Variants in RBMS3 observed in about 807,000 individuals in gnomAD.
RBMS3 encodes RNA binding motif single stranded interacting protein 3, also known as RNA-binding motif, single-stranded-interacting protein 3.
A neutral mutation model predicts 66.8 loss-of-function variants in RBMS3; 27 were observed. The observed-to-expected ratio is 0.40, with a 90% CI of 0.30 to 0.56. The LOEUF is 0.56. Among genes scored for constraint, RBMS3 ranks in the 20% least tolerant of loss-of-function variants. The pLI, the probability that RBMS3 is intolerant of heterozygous loss-of-function variation, is 0.40. For synonymous variants in RBMS3, 188 were observed against 183.0 expected, an observed-to-expected ratio of 1.03 and a Z score of -0.22; for missense variants, 513 against 549.5, an observed-to-expected ratio of 0.93 and a Z score of 0.66.
At chr3:29,785,660 C>A (rs936184849) in intron 6 of RBMS3, among the ~76,000 whole-genome samples, 4 of 151,952 alleles carry the variant, frequency 2.6e-5, no homozygotes, top group African/African-American at 4.8e-5. Flanking sequence ...TATGATTAAA[C>A]CCTCAGCAAA....
intron 1 of RBMS3, among the ~76,000 whole-genome samples, chr3:29,316,958 A>C (rs1409187010): frequency 6.6e-6 from 1 of 151,684 alleles, no homozygotes; most frequent in Non-Finnish European, 1.5e-5. Flanking sequence ...ACCAGCATAA[A>C]ATTTTTCTGA....
chr3:29,651,727 C>G (rs1403957653), intron 4 of RBMS3, among the ~76,000 whole-genome samples: 2 of 152,008 alleles, frequency 1.3e-5, no homozygotes, highest in African/African-American at 4.8e-5. Flanking sequence ...GATATAAATC[C>G]TATTACTACA....
intron 12 of RBMS3, among the ~76,000 whole-genome samples, chr3:29,960,177 G>A (rs893433579): frequency 6.6e-6 from 1 of 152,184 alleles, no homozygotes; most frequent in Non-Finnish European, 1.5e-5. Context: ...ACAGGAATTG[G>A]ATAAATATAC....
At chr3:29,661,087 G>C (rs891381077) in intron 4 of RBMS3, among the ~76,000 whole-genome samples, 3 of 152,200 alleles carry the variant, frequency 2.0e-5, no homozygotes, top group Non-Finnish European at 2.9e-5. Flanking sequence ...CACGAGGATT[G>C]GGGTGGGGAA....
chr3:29,546,844 A>C (rs1352727964), intron 3 of RBMS3, among the ~76,000 whole-genome samples: 2 of 152,178 alleles, frequency 1.3e-5, no homozygotes, highest in Non-Finnish European at 2.9e-5. Context: ...GACATAGTTG[A>C]TGACAGCAAG....
At chr3:29,821,405 C>A (rs2149475156) in intron 6 of RBMS3, among the ~76,000 whole-genome samples, 1 of 152,190 alleles carries the variant, frequency 6.6e-6, no homozygotes, top group African/African-American at 2.4e-5. Context: ...TGGAAATAGT[C>A]TACAATGCTA....
intron 6 of RBMS3, among the ~76,000 whole-genome samples, chr3:29,854,064 A>G (rs369496428): frequency 3.3e-4 from 50 of 152,296 alleles, no homozygotes; most frequent in African/African-American, 1.1e-3. Flanking sequence ...GTGAGAACAA[A>G]GCATCCCCTC....
chr3:29,775,678 G>A (rs1395799906), intron 6 of RBMS3, among the ~76,000 whole-genome samples: 1 of 152,036 alleles, frequency 6.6e-6, no homozygotes, highest in Non-Finnish European at 1.5e-5. Context: ...GACTTCACCA[G>A]TGTGAGTGCT....
intron 6 of RBMS3, among the ~76,000 whole-genome samples, chr3:29,784,811 G>A (rs1273564240): frequency 6.6e-6 from 1 of 151,900 alleles, no homozygotes; most frequent in Non-Finnish European, 1.5e-5. Context: ...AAAGAAGAGA[G>A]CAAATCCAAA....
chr3:29,941,722 G>A (rs1326161719), intron 11 of RBMS3, among the ~76,000 whole-genome samples: 2 of 151,684 alleles, frequency 1.3e-5, no homozygotes, highest in African/African-American at 2.4e-5. Flanking sequence ...TAGATAAAAT[G>A]CCAAAGAACA....
intron 1 of RBMS3, among the ~76,000 whole-genome samples, chr3:29,353,650 T>C (rs1424776492): frequency 6.6e-6 from 1 of 152,020 alleles, no homozygotes; most frequent in Non-Finnish European, 1.5e-5. Context: ...ATTTTTTACT[T>C]GATGATTTTG....
At chr3:29,548,042 G>A (rs372675221) in intron 3 of RBMS3, among the ~76,000 whole-genome samples, 11 of 151,940 alleles carry the variant, frequency 7.2e-5, no homozygotes, top group African/African-American at 1.9e-4. Flanking sequence ...TGATCTGCCC[G>A]CCTCAGCCTC....
intron 3 of RBMS3, among the ~76,000 whole-genome samples, chr3:29,508,303 G>A (rs1425556367): frequency 2.0e-5 from 3 of 151,964 alleles, no homozygotes; most frequent in Admixed American, 6.6e-5. Context: ...CTGCACCCAC[G>A]AACCCATCAT....
intron 4 of RBMS3, among the ~76,000 whole-genome samples, chr3:29,609,608 T>C (rs779241377): frequency 2.6e-4 from 39 of 152,024 alleles, no homozygotes; most frequent in Non-Finnish European, 1.2e-4. Context: ...ACTGCTGTCA[T>C]CTCTACATTT....
intron 4 of RBMS3, among the ~76,000 whole-genome samples, chr3:29,655,079 G>T (rs1185016235): frequency 6.6e-6 from 1 of 151,936 alleles, no homozygotes; most frequent in Non-Finnish European, 1.5e-5. Context: ...TTCTTCCTCA[G>T]TGTCTTCATC....
intron 12 of RBMS3, among the ~76,000 whole-genome samples, chr3:29,984,856 G>A (rs1184969365): frequency 6.6e-6 from 1 of 152,114 alleles, no homozygotes; most frequent in Non-Finnish European, 1.5e-5. Flanking sequence ...GAGGGTCAGG[G>A]GCCCACTTGA....
chr3:29,574,453 T>G (rs1007138775), intron 3 of RBMS3, among the ~76,000 whole-genome samples: 2 of 152,144 alleles, frequency 1.3e-5, no homozygotes, highest in African/African-American at 2.4e-5. Flanking sequence ...TCTGTGGGTC[T>G]TTATACGTGA....
chr3:29,371,678 G>A (rs1197508107), intron 1 of RBMS3, among the ~76,000 whole-genome samples: 3 of 152,170 alleles, frequency 2.0e-5, no homozygotes. Context: ...CATGGCACAT[G>A]TAACATAAGT....
chr3:29,877,569 G>C (rs1310879418), intron 7 of RBMS3, among the ~76,000 whole-genome samples: 1 of 152,106 alleles, frequency 6.6e-6, no homozygotes, highest in Non-Finnish European at 1.5e-5. Context: ...TAGACCTTGG[G>C]AATTTCCCTA....
Sources: gnomAD v4.1 joint callset for allele counts (sites outside exome capture counted in the v4.1 genomes callset) on GRCh38, gnomAD v4.1.1 for gene constraint, MANE v1.5 for transcripts, NCBI Gene and HGNC (gene_info 2026-07-23, HGNC 2026-07-21) for gene names.